The following CHCHD3 variants were observed in gnomAD, a reference collection of about 807,000 sequenced individuals.
The protein encoded by CHCHD3 is coiled-coil-helix-coiled-coil-helix domain containing 3.
In CHCHD3, 20 loss-of-function variants were observed where a neutral mutation model predicts 38.2. That is an observed-to-expected ratio of 0.52 (90% CI 0.37 to 0.76). The LOEUF is 0.76. CHCHD3 is among the 30% of genes least tolerant of loss of function. The probability of loss-of-function intolerance (pLI) is 0.00; values close to 1 mark genes in which losing one functional copy is unlikely to be tolerated. For missense variants in CHCHD3, 245 were observed against 279.2 expected (o/e 0.88, Z 0.87); for synonymous variants, 82 against 100.0 (o/e 0.82, Z 1.07).
At chr7:132,905,754 C>T (rs1809789477) in intron 4 of CHCHD3, among the ~76,000 whole-genome samples, 1 of 152,168 alleles carries the variant, frequency 6.6e-6, no homozygotes, top group Middle Eastern at 3.2e-3. Context: ...ATGTATTAAC[C>T]GTCCATTTGG....
intron 6 of CHCHD3, among the ~76,000 whole-genome samples, chr7:132,803,491 A>T (rs1806839618): frequency 6.6e-6 from 1 of 152,184 alleles, no homozygotes; most frequent in Admixed American, 6.5e-5. Flanking sequence ...TTCCTTAAAT[A>T]ACTATTTTCT....
chr7:132,987,404 A>G (rs1812149297), intron 3 of CHCHD3, among the ~76,000 whole-genome samples: 1 of 152,236 alleles, frequency 6.6e-6, no homozygotes, highest in African/African-American at 2.4e-5. Context: ...AGAGTCAACC[A>G]GGGAAATCAT....
chr7:132,892,796 C>T (rs2117186934), intron 4 of CHCHD3, among the ~76,000 whole-genome samples: 1 of 152,348 alleles, frequency 6.6e-6, no homozygotes, highest in African/African-American at 2.4e-5. Context: ...GTGCAAGCCC[C>T]AAGCCTTAGC....
intron 4 of CHCHD3, among the ~76,000 whole-genome samples, chr7:132,911,691 G>A (rs1019288406): frequency 2.0e-5 from 3 of 152,140 alleles, no homozygotes; most frequent in African/African-American, 4.8e-5. Flanking sequence ...GCTCCCCATC[G>A]GTTTAGTGTC....
chr7:132,893,435 G>A (rs1809418813), intron 4 of CHCHD3, among the ~76,000 whole-genome samples: 2 of 152,164 alleles, frequency 1.3e-5, no homozygotes, highest in Non-Finnish European at 2.9e-5. Flanking sequence ...CTACATAGAA[G>A]GGACTTTCCT....
chr7:133,072,700 G>T (rs540879255), intron 1 of CHCHD3, among the ~76,000 whole-genome samples: 1 of 151,906 alleles, frequency 6.6e-6, no homozygotes, highest in Non-Finnish European at 1.5e-5. Flanking sequence ...TTAGCTGGGC[G>T]TGGTGGCGGG....
intron 2 of CHCHD3, among the ~76,000 whole-genome samples, chr7:133,055,369 T>C (rs1382078859): frequency 6.9e-6 from 1 of 145,396 alleles, no homozygotes; most frequent in Non-Finnish European, 1.5e-5. Flanking sequence ...TATTTGATTA[T>C]AATTAATTAT....
chr7:132,985,524 G>A lies in CHCHD3; in HGVS notation c.252-10238C>T, dbSNP rs1167685920. On this transcript the variant is annotated intron_variant, in intron 3 of 7. Transcript: ENST00000262570. The stretch of plus-strand genomic sequence containing the variant: ...AGGTGGGGGGGTCAGCCCCCGGCCC[G>A]GCCAGCCGCCCCGTCCAGGAGGGAG... 2.4e-5 allele frequency among the ~76,000 whole-genome samples: 2 copies of A among 81,964 alleles called. 1 individual carries two copies. The highest frequency in any genetic ancestry group is 5.0e-5 in the Non-Finnish European group (2 of 39,930). The allele number at this position is 81,964 out of a possible 152,430, so 53.8% of individuals were successfully genotyped here.
intron 2 of CHCHD3, among the ~76,000 whole-genome samples, chr7:133,067,487 T>G (rs979661881): frequency 9.9e-5 from 15 of 152,230 alleles, no homozygotes; most frequent in Non-Finnish European, 1.6e-4. Flanking sequence ...TTCCGTATTT[T>G]AAGTTCATAC....
At chr7:132,942,456 T>C (rs189810642) in intron 4 of CHCHD3, among the ~76,000 whole-genome samples, 201 of 152,328 alleles carry the variant, frequency 1.3e-3, no homozygotes, top group African/African-American at 4.4e-3. Flanking sequence ...ATTTTCTAAA[T>C]TGTTCTCTAA....
intron 3 of CHCHD3, among the ~76,000 whole-genome samples, chr7:133,013,135 G>A (rs1812928303): frequency 7.5e-6 from 1 of 133,242 alleles, no homozygotes; most frequent in Non-Finnish European, 1.5e-5. Context: ...GCAGTAAGCT[G>A]AGATCACACC....
chr7:132,947,093 C>T lies in CHCHD3; in HGVS notation c.369+28076G>A, dbSNP rs556417327. 9.4e-4 allele frequency among the ~76,000 whole-genome samples: 142 copies of T among 151,828 alleles called. 2 individuals carry two copies. In the Middle Eastern group the frequency reaches 0.01, roughly 11 times the overall value. ...ATCTAATGAAGATTACTGCTTTTTA[C>T]GGAAAATAAATGGTTATTTTTAAAG... On this transcript the variant is annotated intron_variant, in intron 4 of 7. Coordinates refer to ENST00000262570, the MANE Select transcript of CHCHD3 (RefSeq NM_017812.4).
At chr7:132,921,545 C>A (rs1810263553) in intron 4 of CHCHD3, among the ~76,000 whole-genome samples, 1 of 152,074 alleles carries the variant, frequency 6.6e-6, no homozygotes, top group Non-Finnish European at 1.5e-5. Flanking sequence ...GAGGTATCAA[C>A]AATCCCAATT....
rs548683689 is a variant in CHCHD3, at chr7:132,829,342, T to C, written c.524+9057A>G. On this transcript the variant is annotated intron_variant, in intron 6 of 7. Transcript: ENST00000262570. ...ATCATTTTGGCAGAATCTTCATTTA[T>C]CTAACTAACAGTGTGCAATTAATAT... Among the ~76,000 whole-genome samples the C allele has an allele frequency of 7.6e-4, 115 of 152,260 alleles. 1 individual carries two copies. Among genetic ancestry groups the C allele is most frequent in the Middle Eastern group, 3.4e-3 (1 of 294 alleles).
chr7:132,785,662 T>TGTTTG lies in CHCHD3; in HGVS notation c.661-3_661-2insCAAAC. On this transcript the variant is annotated splice_region_variant and splice_polypyrimidine_tract_variant and intron_variant, in intron 7 of 7. Coordinates refer to ENST00000262570, the MANE Select transcript of CHCHD3 (RefSeq NM_017812.4). ...TTATCCTCCCTTCTCAAGCATGCTC[T>TGTTTG]GCAAGAAAAACAGAAAGAGTAAGTT... is the stretch of plus-strand genomic sequence containing the variant. 6.2e-7 allele frequency: 1 copy of TGTTTG among 1,613,794 alleles called. No individual in the cohort carries two copies. Among genetic ancestry groups the TGTTTG allele is most frequent in the East Asian group, 2.2e-5 (1 of 44,870 alleles).
At chr7:133,019,993 CAG>C (rs2117432558) in intron 3 of CHCHD3, among the ~76,000 whole-genome samples, 1 of 152,092 alleles carries the variant, frequency 6.6e-6, no homozygotes, top group South Asian at 2.1e-4. Context: ...ACAGCAAAAA[CAG>C]ACTGCCGACA....
intron 3 of CHCHD3, among the ~76,000 whole-genome samples, chr7:132,986,424 GAA>G (rs59151340): frequency 0.084 from 11,022 of 131,196 alleles, 900 homozygotes; most frequent in East Asian, 0.23. Context: ...AAAGAAAAAA[GAA>G]AAAAAAAAAA....
At chr7:133,002,568 A>T (rs145410576) in intron 3 of CHCHD3, among the ~76,000 whole-genome samples, 1 of 152,170 alleles carries the variant, frequency 6.6e-6, no homozygotes, top group Non-Finnish European at 1.5e-5. Context: ...CCTTATAGAG[A>T]TAACTTAGGT....
At chr7:132,940,885 C>T (rs998307213) in intron 4 of CHCHD3, among the ~76,000 whole-genome samples, 2 of 152,012 alleles carry the variant, frequency 1.3e-5, no homozygotes, top group Non-Finnish European at 2.9e-5. Context: ...TTGTTCCACC[C>T]GCCCTGTCAG....
Sources: gnomAD v4.1 joint callset for allele counts (sites outside exome capture counted in the v4.1 genomes callset) on GRCh38, gnomAD v4.1.1 for gene constraint, MANE v1.5 for transcripts, NCBI Gene and HGNC (gene_info 2026-07-23, HGNC 2026-07-21) for gene names.